SPON1: variants seen among roughly 807,000 people sequenced by gnomAD.
SPON1 encodes the protein spondin 1, also known as spondin-1.
A neutral mutation model predicts 111.7 loss-of-function variants in SPON1; 52 were observed. The ratio of observed to expected loss-of-function variants is 0.47; its 90% CI spans 0.37 to 0.59. SPON1 has a LOEUF of 0.59. SPON1 is among the 20% of genes least tolerant of loss of function. SPON1 has a pLI of 0.00. For synonymous variants in SPON1, 410 were observed against 395.8 expected, an observed-to-expected ratio of 1.04 and a Z score of -0.43; for missense variants, 957 against 1,068.5, an observed-to-expected ratio of 0.90 and a Z score of 1.46.
At chr11:13,988,811 G>GT (rs1848205253) in intron 2 of SPON1, among the ~76,000 whole-genome samples, 1 of 152,126 alleles carries the variant, frequency 6.6e-6, no homozygotes, top group African/African-American at 2.4e-5. Context: ...ATAATCTTGT[G>GT]TTTTTTGTCA....
intron 2 of SPON1, 49 bp from the exon 3 acceptor site, chr11:14,041,472 C>A: frequency 1.3e-6 from 2 of 1,599,468 alleles, no homozygotes; most frequent in Non-Finnish European, 1.7e-6. Context: ...GCTTAAGCGC[C>A]CTCTCAAAAT....
chr11:13,997,428 T>C (rs868949762), intron 2 of SPON1, among the ~76,000 whole-genome samples: 1 of 152,174 alleles, frequency 6.6e-6, no homozygotes, highest in African/African-American at 2.4e-5. Flanking sequence ...AGTCCCTTCA[T>C]CTACAAAATA....
At chr11:14,062,699 C>T (rs782374548) in intron 3 of SPON1, among the ~76,000 whole-genome samples, 4 of 152,186 alleles carry the variant, frequency 2.6e-5, no homozygotes, top group African/African-American at 9.6e-5. Flanking sequence ...AAATATCCTC[C>T]GAGGATAAGA....
At chr11:13,976,525 T>C (rs2618489) in intron 1 of SPON1, among the ~76,000 whole-genome samples, 152,103 of 152,324 alleles carry the variant, frequency 1, 75,942 homozygotes, top group Middle Eastern at 1. Context: ...TCCAGAGCCT[T>C]CATCTCATGT....
chr11:14,230,490 C>T, intron 6 of SPON1, among the ~76,000 whole-genome samples: 1 of 152,180 alleles, frequency 6.6e-6, no homozygotes, highest in East Asian at 1.9e-4. Context: ...CAAAGCCTAA[C>T]ACTCTTTAAA....
At chr11:14,233,908 G>A (rs7123293) in intron 6 of SPON1, among the ~76,000 whole-genome samples, 20,635 of 151,738 alleles carry the variant, frequency 0.14, 1,743 homozygotes, top group South Asian at 0.21. Context: ...GATTACAGGT[G>A]CCCGCCACCA....
intron 1 of SPON1, among the ~76,000 whole-genome samples, chr11:13,968,495 CATTA>C (rs1554908281): frequency 1.3e-5 from 2 of 152,222 alleles, no homozygotes; most frequent in East Asian, 1.9e-4. Flanking sequence ...AGAGTAAACT[CATTA>C]ATTGTGTATT....
chr11:14,170,111 T>G (rs1848079772), intron 6 of SPON1, among the ~76,000 whole-genome samples: 1 of 152,236 alleles, frequency 6.6e-6, no homozygotes, highest in Admixed American at 6.5e-5. Flanking sequence ...ATGATATTTA[T>G]TCTTCCTACC....
intron 5 of SPON1, among the ~76,000 whole-genome samples, chr11:14,097,584 C>G (rs1002440570): frequency 2.0e-5 from 3 of 152,108 alleles, no homozygotes; most frequent in African/African-American, 7.2e-5. Flanking sequence ...CCTAATATTC[C>G]TTGGGTTACA....
chr11:14,179,216 G>A (rs781847036), intron 6 of SPON1, among the ~76,000 whole-genome samples: 2 of 152,136 alleles, frequency 1.3e-5, no homozygotes, highest in Non-Finnish European at 2.9e-5. Flanking sequence ...GCTTGTTTTT[G>A]TTTATCTTAC....
intron 6 of SPON1, among the ~76,000 whole-genome samples, chr11:14,193,068 C>T (rs1848365487): frequency 6.6e-6 from 1 of 152,146 alleles, no homozygotes; most frequent in Admixed American, 6.5e-5. Flanking sequence ...ACTCGTGCAC[C>T]AGCAGAGCAA....
At chr11:14,004,912 T>A (rs781827141) in intron 2 of SPON1, among the ~76,000 whole-genome samples, 2 of 152,120 alleles carry the variant, frequency 1.3e-5, no homozygotes, top group Non-Finnish European at 2.9e-5. Context: ...GCTCAAGTGA[T>A]CCTCCTGCCT....
intron 6 of SPON1, among the ~76,000 whole-genome samples, chr11:14,136,483 A>G (rs73424133): frequency 0.02 from 3,031 of 152,176 alleles, 97 homozygotes; most frequent in African/African-American, 0.069. Context: ...GGCTAAGAAA[A>G]CACCAGGGAC....
At chr11:14,215,773 C>T (rs567263599) in intron 6 of SPON1, among the ~76,000 whole-genome samples, 1 of 152,154 alleles carries the variant, frequency 6.6e-6, no homozygotes, top group African/African-American at 2.4e-5. Context: ...GTATATTTCC[C>T]CTTGTACATC....
chr11:14,100,455 T>C (rs1849134753), intron 5 of SPON1, among the ~76,000 whole-genome samples: 1 of 152,196 alleles, frequency 6.6e-6, no homozygotes, highest in Non-Finnish European at 1.5e-5. Context: ...TAAAAGTGAT[T>C]TGATCCATTT....
chr11:14,236,028 G>C (rs1554939196), intron 6 of SPON1, among the ~76,000 whole-genome samples: 1 of 152,188 alleles, frequency 6.6e-6, no homozygotes, highest in East Asian at 1.9e-4. Flanking sequence ...AGGAGGACAG[G>C]CAGACCATGG....
intron 5 of SPON1, among the ~76,000 whole-genome samples, chr11:14,086,846 G>A (rs1849010662): frequency 6.6e-6 from 1 of 152,122 alleles, no homozygotes; most frequent in African/African-American, 2.4e-5. Flanking sequence ...TCTATTCAGG[G>A]ATTCAACTTC....
chr11:14,062,536 G>T (rs1554919977), intron 3 of SPON1, among the ~76,000 whole-genome samples: 1 of 152,096 alleles, frequency 6.6e-6, no homozygotes, highest in Admixed American at 6.6e-5. Flanking sequence ...CATCTCTAGG[G>T]GAGCTTGAAC....
intron 3 of SPON1, among the ~76,000 whole-genome samples, chr11:14,054,566 C>CT (rs35043771): frequency 0.32 from 47,889 of 148,080 alleles, 8,650 homozygotes; most frequent in Non-Finnish European, 0.43. Flanking sequence ...GTTTTCTTTT[C>CT]TTTTTTTTTT....
Sources: gnomAD v4.1 joint callset for allele counts (sites outside exome capture counted in the v4.1 genomes callset) on GRCh38, gnomAD v4.1.1 for gene constraint, MANE v1.5 for transcripts, NCBI Gene and HGNC (gene_info 2026-07-23, HGNC 2026-07-21) for gene names.